Variants in SMYD3 observed in about 807,000 individuals in gnomAD.
The protein encoded by SMYD3 is histone-lysine N-methyltransferase SMYD3.
SMYD3 carries 36 observed loss-of-function variants against 57.7 expected under a neutral mutation model. The observed-to-expected ratio is 0.62, with a 90% CI of 0.48 to 0.82. The LOEUF is 0.82. Ranked by LOEUF, SMYD3 falls within the 40% of genes least tolerant of loss-of-function variation. The pLI is 0.00. For missense variants in SMYD3, 515 were observed against 538.8 expected, an observed-to-expected ratio of 0.96 and a Z score of 0.44; for synonymous variants, 211 against 195.0, an observed-to-expected ratio of 1.08 and a Z score of -0.68.
intron 5 of SMYD3, among the ~76,000 whole-genome samples, chr1:245,993,544 A>T (rs2058850282): frequency 6.6e-6 from 1 of 151,220 alleles, no homozygotes; most frequent in South Asian, 2.1e-4. Context: ...AGACCAGGCT[A>T]GGCAACATAG....
intron 5 of SMYD3, among the ~76,000 whole-genome samples, chr1:246,295,393 TAAAGAA>T (rs2064774099): frequency 6.6e-6 from 1 of 152,152 alleles, no homozygotes; most frequent in Non-Finnish European, 1.5e-5. Flanking sequence ...GTTTTCTTAA[TAAAGAA>T]AAACAGTTTT....
At chr1:245,893,965 G>A (rs1572613444) in intron 8 of SMYD3, among the ~76,000 whole-genome samples, 1 of 152,208 alleles carries the variant, frequency 6.6e-6, no homozygotes, top group East Asian at 1.9e-4. Flanking sequence ...TGCCTCATCT[G>A]TAAAACGGCA....
At chr1:245,884,169 T>C (rs1405254350) in intron 8 of SMYD3, among the ~76,000 whole-genome samples, 1 of 152,110 alleles carries the variant, frequency 6.6e-6, no homozygotes. Context: ...GTACATCGAA[T>C]CCAAATACCT....
intron 5 of SMYD3, among the ~76,000 whole-genome samples, chr1:246,026,223 C>T (rs926642272): frequency 7.9e-5 from 12 of 152,198 alleles, no homozygotes; most frequent in Admixed American, 3.3e-4. Context: ...AACAGTCCTT[C>T]TTTTGACCTT....
At chr1:245,984,347 A>C (rs1187436481) in intron 5 of SMYD3, among the ~76,000 whole-genome samples, 1 of 152,184 alleles carries the variant, frequency 6.6e-6, no homozygotes, top group Non-Finnish European at 1.5e-5. Flanking sequence ...TTCCTAGTTC[A>C]AAAAGAAAAA....
In SMYD3 at chr1:245,764,041, C is replaced by T. The variant is rs1234295283; in HGVS notation, c.1185G>A (p.Leu395=). The T allele has an allele frequency of 8.1e-6, 13 of 1,609,752 alleles. No individual in the cohort carries two copies. The highest frequency in any genetic ancestry group is 1.1e-5 in the Non-Finnish European group (13 of 1,176,192). ...CTATGTGAGATCTTGGCACACTCAC[C>T]AGTCTCAGATTCTTCATTGCTTGGG... is the stretch of plus-strand genomic sequence containing the variant. ...MFPQAMKNLR[L]AFDIMRVTHG... is the part of the protein sequence containing the mutation. The change falls in exon 11 of 12, where the codon CTG becomes CTA. Residue 395 remains leucine (L), a splice_region_variant and synonymous_variant. Coordinates refer to ENST00000490107, the MANE Select transcript of SMYD3 (RefSeq NM_001167740.2).
At chr1:246,210,965 C>A (rs928901212) in intron 5 of SMYD3, among the ~76,000 whole-genome samples, 1 of 152,112 alleles carries the variant, frequency 6.6e-6, no homozygotes, top group Admixed American at 6.5e-5. Flanking sequence ...GTCCCAGGCG[C>A]GTCTGCTGTG....
intron 5 of SMYD3, among the ~76,000 whole-genome samples, chr1:246,171,505 G>T (rs1354644774): frequency 6.6e-6 from 1 of 152,096 alleles, no homozygotes; most frequent in East Asian, 1.9e-4. Flanking sequence ...TCATTGTTAG[G>T]TGATTTTGTC....
chr1:246,341,526 G>A (rs188107587), intron 2 of SMYD3, among the ~76,000 whole-genome samples: 1 of 151,912 alleles, frequency 6.6e-6, no homozygotes, highest in Non-Finnish European at 1.5e-5. Context: ...TACCATTCAG[G>A]GGGTAAAATT....
intron 5 of SMYD3, among the ~76,000 whole-genome samples, chr1:246,295,785 G>A (rs989265246): frequency 1.3e-5 from 2 of 152,168 alleles, no homozygotes; most frequent in African/African-American, 4.8e-5. Context: ...ATAGCCATAT[G>A]ATCTGGAAAT....
chr1:245,865,818 T>C (rs1394841707), intron 8 of SMYD3, among the ~76,000 whole-genome samples: 1 of 152,230 alleles, frequency 6.6e-6, no homozygotes, highest in African/African-American at 2.4e-5. Flanking sequence ...AACAGTTCAC[T>C]ATGTCATTGC....
At chr1:246,088,425 C>T (rs983970937) in intron 5 of SMYD3, among the ~76,000 whole-genome samples, 3 of 149,136 alleles carry the variant, frequency 2.0e-5, no homozygotes, top group Non-Finnish European at 4.4e-5. Flanking sequence ...CTGGCTAACA[C>T]GGTGAAACCC....
intron 5 of SMYD3, among the ~76,000 whole-genome samples, chr1:246,023,791 C>T (rs1353737454): frequency 7.6e-6 from 1 of 132,390 alleles, no homozygotes; most frequent in African/African-American, 3.1e-5. Context: ...ACCCACTTCA[C>T]AGGACTATTA....
At chr1:246,314,036 T>A (rs1025518100) in intron 5 of SMYD3, among the ~76,000 whole-genome samples, 4 of 152,210 alleles carry the variant, frequency 2.6e-5, no homozygotes, top group African/African-American at 7.2e-5. Flanking sequence ...CACATACAGT[T>A]GTGGCAACAT....
In SMYD3 at chr1:246,416,477, G is replaced by A. The variant is rs1366197680; in HGVS notation, c.165-61383C>T. Among the ~76,000 whole-genome samples, 3 of 145,116 alleles carry A rather than the reference G, an allele frequency of 2.1e-5. No individual in the cohort carries two copies. In the East Asian group the frequency reaches 6.0e-4, roughly 29 times the overall value. On this transcript the variant is annotated intron_variant, in intron 1 of 11. Transcript: ENST00000490107. Reference sequence around the variant, plus strand: ...CATGAAAAATGAACCCTATGTGCCAGAATAACTTGCAAGAAATTACTATTC... The same window carrying A: ...CATGAAAAATGAACCCTATGTGCCAAAATAACTTGCAAGAAATTACTATTC...
rs184333301 is a variant in SMYD3 at position 246,279,540 on chromosome 1, A to T, written c.531+47661T>A. 3.2e-3 allele frequency among the ~76,000 whole-genome samples: 480 copies of T among 152,276 alleles called. 3 individuals carry two copies. The highest frequency in any genetic ancestry group is 5.4e-3 in the Non-Finnish European group (364 of 68,028). ...TTCTCAAAACAAAAACAAAAACAAAAAAAAAGATTGTTGAGACCAATGGTT... is the reference window on the plus strand; with the variant it reads ...TTCTCAAAACAAAAACAAAAACAAATAAAAAGATTGTTGAGACCAATGGTT... On this transcript the variant is annotated intron_variant, in intron 5 of 11. Coordinates refer to ENST00000490107, the MANE Select transcript of SMYD3 (RefSeq NM_001167740.2).
At chr1:246,436,762 T>C (rs1218088094) in intron 1 of SMYD3, among the ~76,000 whole-genome samples, 1 of 152,212 alleles carries the variant, frequency 6.6e-6, no homozygotes, top group Non-Finnish European at 1.5e-5. Context: ...TTTACTTCTA[T>C]TACTTCTATT....
chr1:246,301,393 T>A (rs114366375), intron 5 of SMYD3, among the ~76,000 whole-genome samples: 1 of 152,028 alleles, frequency 6.6e-6, no homozygotes, highest in African/African-American at 2.4e-5. Flanking sequence ...GCTGGAAAAA[T>A]TCCATAGGTG....
chr1:245,785,628 C>A (rs1357348893), intron 10 of SMYD3, among the ~76,000 whole-genome samples: 2 of 150,646 alleles, frequency 1.3e-5, no homozygotes, highest in African/African-American at 2.5e-5. Context: ...CACCTCTCCC[C>A]CAGAGAGAGA....
Sources: gnomAD v4.1 joint callset for allele counts (sites outside exome capture counted in the v4.1 genomes callset) on GRCh38, gnomAD v4.1.1 for gene constraint, MANE v1.5 for transcripts, NCBI Gene and HGNC (gene_info 2026-07-23, HGNC 2026-07-21) for gene names.